Variants in SCARB2 observed in about 807,000 individuals in gnomAD.
SCARB2 encodes the protein lysosome membrane protein 2.
In SCARB2, 29 loss-of-function variants were observed where a neutral mutation model predicts 58.6. That is an observed-to-expected ratio of 0.49 (90% CI 0.37 to 0.67). The LOEUF is 0.67. SCARB2 is among the 30% of genes least tolerant of loss of function. The probability of loss-of-function intolerance (pLI) is 0.00; values close to 1 mark genes in which losing one functional copy is unlikely to be tolerated. For synonymous variants in SCARB2, 195 were observed against 210.1 expected (o/e 0.93, Z 0.62); for missense variants, 488 against 578.5 (o/e 0.84, Z 1.60).
chr4:76,213,728 AC>A lies in SCARB2; in HGVS notation c.-186del. ...GCCTGGCGAGCGCGGCCCCGGGTGC[AC>A]CGGGCGGATGGGGCCGCGGAGGGAC... On this transcript the variant is annotated 5_prime_UTR_variant, in exon 1 of 12. Coordinates refer to ENST00000264896, the MANE Select transcript of SCARB2 (RefSeq NM_005506.4). The A allele has an allele frequency of 2.0e-6, 1 of 502,392 alleles. No individual in the cohort carries two copies. The allele number at this position is 502,392 out of a possible 1,614,324, so 31.1% of individuals were successfully genotyped here.
chr4:76,163,580 A>AT (rs1163249158), intron 10 of SCARB2, 197 bp from the exon 11 acceptor site: 14 of 620,088 alleles, frequency 2.3e-5, no homozygotes, highest in South Asian at 1.6e-4. Flanking sequence ...TCCTGAAGAC[A>AT]TTTTTTTTAC....
intron 2 of SCARB2, among the ~76,000 whole-genome samples, chr4:76,185,387 G>A (rs1315972848): frequency 1.3e-5 from 2 of 152,160 alleles, no homozygotes; most frequent in South Asian, 2.1e-4. Flanking sequence ...CAAATTTTCA[G>A]CCTAGGCAAT....
chr4:76,174,553 G>A, intron 6 of SCARB2: 1 of 488,354 alleles, frequency 2.0e-6, no homozygotes, highest in South Asian at 2.1e-5. Context: ...AACAATATGT[G>A]GTACAAAATT....
In SCARB2 at chr4:76,159,975, A is replaced by G. The variant is rs1731862760; in HGVS notation, c.*1738T>C. The G allele has an allele frequency of 6.6e-6, 1 of 152,198 alleles. No homozygotes were observed. The highest frequency in any genetic ancestry group is 1.5e-5 in the Non-Finnish European group (1 of 68,026). The allele number at this position is 152,198 out of a possible 1,614,324, so 9.4% of individuals were successfully genotyped here. On this transcript the variant is annotated 3_prime_UTR_variant, in exon 12 of 12. Coordinates refer to ENST00000264896, the MANE Select transcript of SCARB2 (RefSeq NM_005506.4). Reference sequence around the variant, plus strand: ...ATCTAGTTAAATGTTGATAAATTCTAAAAATGTAGATATTTAGCATTATTG... The same window carrying G: ...ATCTAGTTAAATGTTGATAAATTCTGAAAATGTAGATATTTAGCATTATTG...
intron 2 of SCARB2, chr4:76,192,316 G>A (rs1006560064): frequency 6.6e-6 from 1 of 152,230 alleles, no homozygotes; most frequent in Non-Finnish European, 1.5e-5. Flanking sequence ...GTGAAGTTCA[G>A]GCTGAAAAGG....
rs1189089079 is a variant in SCARB2 at position 76,213,760 on chromosome 4, C to T, written c.-217G>A. 6.7e-6 allele frequency: 3 copies of T among 447,126 alleles called. No homozygotes were observed. Among genetic ancestry groups the T allele is most frequent in the East Asian group, 4.2e-5 (1 of 23,772 alleles). The allele number at this position is 447,126 out of a possible 1,614,324, so 27.7% of individuals were successfully genotyped here. On this transcript the variant is annotated 5_prime_UTR_variant, in exon 1 of 12. Coordinates refer to ENST00000264896, the MANE Select transcript of SCARB2 (RefSeq NM_005506.4). Reference sequence around the variant, plus strand: ...GGATGGGGCCGCGGAGGGACGGGCCCGGACTCGGTTTCGGTTTCCTTCGCC... The same window carrying T: ...GGATGGGGCCGCGGAGGGACGGGCCTGGACTCGGTTTCGGTTTCCTTCGCC...
At chr4:76,222,227 CT>C (rs1163710967) in intron 1 of SCARB2, among the ~76,000 whole-genome samples, 1,526 of 143,806 alleles carry the variant, frequency 0.011, 17 homozygotes, top group African/African-American at 0.031. Flanking sequence ...TTCCTATCTT[CT>C]TTTTTTTTTT....
chr4:76,173,915 C>T (rs944828722), intron 7 of SCARB2: 1 of 562,778 alleles, frequency 1.8e-6, no homozygotes, highest in East Asian at 3.0e-5. Context: ...TTCTATTGGG[C>T]TGACAATATA....
In SCARB2 at chr4:76,197,372, A is replaced by G. The variant is rs532352884; in HGVS notation, c.118-1508T>C. Reference sequence around the variant, plus strand: ...GGCAAGTTTCTATCTGCCACCTTGAAGTTGCCACCCTTGGAAAAGAGAAGA... The same window carrying G: ...GGCAAGTTTCTATCTGCCACCTTGAGGTTGCCACCCTTGGAAAAGAGAAGA... On this transcript the variant is annotated intron_variant, in intron 1 of 11. Coordinates refer to ENST00000264896, the MANE Select transcript of SCARB2 (RefSeq NM_005506.4). Among the ~76,000 whole-genome samples the G allele has an allele frequency of 2.6e-5, 4 of 152,244 alleles. No individual in the cohort carries two copies. The South Asian group carries it at 6.2e-4, about 24-fold the overall frequency.
Position 76,188,130 on chromosome 4 carries a change from T to C in SCARB2, c.276-7029A>G, listed in dbSNP as rs189993686. On this transcript the variant is annotated intron_variant, in intron 2 of 11. Transcript: ENST00000264896. ...GACAAATTGTTTTCTTTTTTAATTC[T>C]TGAAATGTTAAATGGTAGGCAAAAT... Among the ~76,000 whole-genome samples, 16 of 152,284 alleles carry C rather than the reference T, an allele frequency of 1.1e-4. No homozygotes were observed. The East Asian group carries it at 2.9e-3, about 28-fold the overall frequency.
intron 1 of SCARB2, among the ~76,000 whole-genome samples, chr4:76,203,932 G>C (rs898609531): frequency 6.6e-6 from 1 of 152,180 alleles, no homozygotes; most frequent in Non-Finnish European, 1.5e-5. Context: ...GGAAAGTTTC[G>C]GGATTCGAGA....
intron 1 of SCARB2, among the ~76,000 whole-genome samples, chr4:76,210,899 C>T (rs1733030532): frequency 6.6e-6 from 1 of 152,126 alleles, no homozygotes; most frequent in Admixed American, 6.6e-5. Flanking sequence ...TCCCTCTTCC[C>T]TTTTTGACAT....
At chr4:76,206,375 A>C (rs1732931591) in intron 1 of SCARB2, among the ~76,000 whole-genome samples, 1 of 152,208 alleles carries the variant, frequency 6.6e-6, no homozygotes, top group Non-Finnish European at 1.5e-5. Flanking sequence ...GCTACCACAC[A>C]GAACTTGGTA....
chr4:76,179,545 A>G lies in SCARB2; in HGVS notation c.584T>C (p.Ile195Thr). Reference sequence around the variant, plus strand: ...ATAGAATAGGCCAAAATAGGGAGAGATATCGGGCCTGAAAACATGGATAAG... The same window carrying G: ...ATAGAATAGGCCAAAATAGGGAGAGGTATCGGGCCTGAAAACATGGATAAG... ...LSLIHVFRPD[I>T]SPYFGLFYEK... The change falls in exon 4 of 12, where the codon ATC becomes ACC. Residue 195 changes from isoleucine to threonine, a missense_variant. Coordinates refer to ENST00000264896, the MANE Select transcript of SCARB2 (RefSeq NM_005506.4). The G allele has an allele frequency of 6.2e-7, 1 of 1,614,174 alleles. No homozygotes were observed. Among genetic ancestry groups the G allele is most frequent in the Non-Finnish European group, 8.5e-7 (1 of 1,179,988 alleles).
At chr4:76,207,120 C>T (rs1310824311) in intron 1 of SCARB2, among the ~76,000 whole-genome samples, 2 of 152,174 alleles carry the variant, frequency 1.3e-5, no homozygotes, top group Non-Finnish European at 1.5e-5. Context: ...TTAGGAGGCG[C>T]CCACAAGGTC....
At chr4:76,177,419 A>G (rs1732272611) in intron 4 of SCARB2, among the ~76,000 whole-genome samples, 1 of 152,216 alleles carries the variant, frequency 6.6e-6, no homozygotes, top group African/African-American at 2.4e-5. Context: ...TAGCAGGAAT[A>G]TAAAAATGTT....
chr4:76,222,555 ACT>A (rs1389557400), intron 1 of SCARB2, among the ~76,000 whole-genome samples: 1 of 150,798 alleles, frequency 6.6e-6, no homozygotes, highest in Non-Finnish European at 1.5e-5. Flanking sequence ...TTAGTCCTTA[ACT>A]CTCCGCTGCC....
At chr4:76,195,207 C>T (rs1732687479) in intron 2 of SCARB2, 3 of 156,816 alleles carry the variant, frequency 1.9e-5, no homozygotes, top group African/African-American at 2.4e-5. Flanking sequence ...CTCATCTCTA[C>T]AAAAAAAATT....
At chr4:76,220,500 A>T (rs1578748655) in intron 1 of SCARB2, among the ~76,000 whole-genome samples, 1 of 152,222 alleles carries the variant, frequency 6.6e-6, no homozygotes, top group East Asian at 1.9e-4. Context: ...GGTGGCATGC[A>T]CCTATAGTCC....
Sources: gnomAD v4.1 joint callset for allele counts (sites outside exome capture counted in the v4.1 genomes callset) on GRCh38, gnomAD v4.1.1 for gene constraint, MANE v1.5 for transcripts, NCBI Gene and HGNC (gene_info 2026-07-23, HGNC 2026-07-21) for gene names.